The following U2AF2 variants were observed in gnomAD, a reference collection of about 807,000 sequenced individuals.
U2AF2 encodes the protein splicing factor U2AF 65 kDa subunit.
Under a neutral mutation model 52.6 loss-of-function variants are expected in U2AF2, and 6 were observed. That is an observed-to-expected ratio of 0.11 (90% CI 0.06 to 0.23). U2AF2 has a LOEUF of 0.23. U2AF2 is among the 10% of genes least tolerant of loss of function. The probability of loss-of-function intolerance (pLI) is 1.00; values close to 1 mark genes in which losing one functional copy is unlikely to be tolerated. For synonymous variants in U2AF2, 284 were observed against 258.2 expected, an observed-to-expected ratio of 1.10 and a Z score of -0.96; for missense variants, 222 against 677.1, an observed-to-expected ratio of 0.33 and a Z score of 7.46.
rs1332340152 is a variant in U2AF2, at chr19:55,659,264, G to A, written c.104G>A (p.Arg35Gln). The change falls in exon 2 of 12, where the codon CGG (arginine) becomes CAG (glutamine). Residue 35 changes from arginine (R) to glutamine (Q), a missense_variant. By Grantham distance (43) the Arg-to-Gln change is conservative (BLOSUM62 1). Coordinates refer to ENST00000308924, the MANE Select transcript of U2AF2 (RefSeq NM_007279.3). Reference sequence around the variant, plus strand: ...CGCAGCCACAGCCGCTCTCGGAGCCGGGACCGCAAACGCCGGAGCCGGAGC... The same window carrying A: ...CGCAGCCACAGCCGCTCTCGGAGCCAGGACCGCAAACGCCGGAGCCGGAGC... ...RKRSHSRSRSRDRKRRSRSRD... is the reference protein window; with the variant it reads ...RKRSHSRSRSQDRKRRSRSRD... 1.9e-6 allele frequency: 3 copies of A among 1,603,642 alleles called. No homozygotes were observed. Among genetic ancestry groups the A allele is most frequent in the Non-Finnish European group, 2.6e-6 (3 of 1,174,506 alleles).
At chr19:55,655,185 T>G in intron 1 of U2AF2, 32 bp downstream of exon 1, 1 of 1,591,246 alleles carries the variant, frequency 6.3e-7, no homozygotes, top group Non-Finnish European at 8.6e-7. Context: ...GGCGGAGGTG[T>G]GGGCGGCTCC....
chr19:55,673,906 C>A, intron 11 of U2AF2, 28 bp from the exon 12 acceptor site: 4 of 1,596,384 alleles, frequency 2.5e-6, no homozygotes, highest in South Asian at 2.3e-5. Context: ...GAGCCTTGTT[C>A]ACAAACCTGC....
intron 1 of U2AF2, among the ~76,000 whole-genome samples, chr19:55,656,484 T>A (rs1983803799): frequency 6.6e-6 from 1 of 151,428 alleles, no homozygotes; most frequent in African/African-American, 2.4e-5. Context: ...CTGCTTTTAA[T>A]ACGTTTATAT....
intron 2 of U2AF2, among the ~76,000 whole-genome samples, chr19:55,659,818 C>T (rs1459400632): frequency 2.0e-5 from 3 of 152,048 alleles, no homozygotes; most frequent in East Asian, 3.9e-4. Flanking sequence ...GACTTTTTGG[C>T]CCAGGGGTGT....
At chr19:55,665,524 A>T (rs1018990101) in intron 7 of U2AF2, among the ~76,000 whole-genome samples, 3 of 145,012 alleles carry the variant, frequency 2.1e-5, no homozygotes, top group Non-Finnish European at 4.5e-5. Context: ...CCCTCCATGG[A>T]CGGCAGTTCT....
At chr19:55,661,958 C>G (rs1242158867) in intron 5 of U2AF2, 1 of 154,930 alleles carries the variant, frequency 6.5e-6, no homozygotes, top group Non-Finnish European at 1.4e-5. Flanking sequence ...TGCCCCTCCT[C>G]CCTACACTCC....
Position 55,660,427 on chromosome 19 carries a change from G to T in U2AF2, c.231-89G>T, listed in dbSNP as rs1038501183. 26 of 1,168,586 alleles carry T rather than the reference G, an allele frequency of 2.2e-5. No homozygotes were observed. The African/African-American group carries it at 2.6e-4, about 12-fold the overall frequency. 72.4% of individuals were successfully genotyped at this position (1,168,586 alleles called of 1,614,324 possible). A position where few individuals can be genotyped will look rare whatever the true frequency, so the allele number is the denominator to read the frequency against. Reference sequence around the variant, plus strand: ...TGGAGCTTACATGGTTGCGGGGAGGGTGAAAGGGTGCCTGGGAGGGGGCTC... The same window carrying T: ...TGGAGCTTACATGGTTGCGGGGAGGTTGAAAGGGTGCCTGGGAGGGGGCTC... On this transcript the variant is annotated intron_variant, in intron 3 of 11. Transcript: ENST00000308924.
At chr19:55,658,975 T>C in intron 1 of U2AF2, 1 of 490,216 alleles carries the variant, frequency 2.0e-6, no homozygotes, top group Admixed American at 4.5e-5. Context: ...CTCCTGAGCA[T>C]CCTCAGGTAT....
intron 11 of U2AF2, 81 bp from the exon 12 acceptor site, chr19:55,673,852 CT>C: frequency 6.5e-7 from 1 of 1,529,578 alleles, no homozygotes; most frequent in Middle Eastern, 1.8e-4. Context: ...CCCTTCCTGC[CT>C]TCAGTGCTGG....
intron 7 of U2AF2, chr19:55,664,077 G>C (rs1486411870): frequency 3.8e-6 from 1 of 264,900 alleles, no homozygotes; most frequent in African/African-American, 2.2e-5. Context: ...GGAGGGCTCA[G>C]TCTGTGCCCG....
chr19:55,658,894 G>T, intron 1 of U2AF2: 1 of 293,908 alleles, frequency 3.4e-6, no homozygotes, highest in Non-Finnish European at 6.2e-6. Flanking sequence ...GGACGACCCT[G>T]GGGTCAGGCC....
rs376464606 is a variant in U2AF2 at position 55,668,062 on chromosome 19, G to A, written c.743-445G>A. Among the ~76,000 whole-genome samples, 78 of 152,212 alleles carry A rather than the reference G, an allele frequency of 5.1e-4. No individual in the cohort carries two copies. The highest frequency in any genetic ancestry group is 3.9e-3 in the South Asian group (19 of 4,822). ...CTCCCAAAGTGCTGAGATTACAGGC[G>A]TGAGCCCCCGCGCCCGGCCGGGACT... On this transcript the variant is annotated intron_variant, in intron 7 of 11. Transcript: ENST00000308924. The surrounding 1 kb of genome is among the most constrained non-coding windows in gnomAD (Gnocchi z 5.5).
intron 2 of U2AF2, 25 bp downstream of exon 2, chr19:55,659,370 G>A: frequency 6.8e-7 from 1 of 1,463,470 alleles, no homozygotes; most frequent in Non-Finnish European, 9.1e-7. Context: ...GGATCCCCTG[G>A]GCCAGCCTGG....
At chr19:55,672,889 C>T (rs1454318601) in intron 11 of U2AF2, among the ~76,000 whole-genome samples, 1 of 151,934 alleles carries the variant, frequency 6.6e-6, no homozygotes, top group East Asian at 1.9e-4. Flanking sequence ...GTGAGCCGCC[C>T]GTCTTGGCCT....
At position 55,669,137 on chromosome 19, in the gene U2AF2, A is replaced by C; in HGVS notation, c.1000A>C (p.Arg334=). ...GGGGGATAAGAAGCTGCTGGTCCAG[A>C]GGGCGAGTGTGGGAGCCAAGAATGC... ...QLGDKKLLVQ[R]ASVGAKNATL... The change falls in exon 10 of 12, where the codon AGG becomes CGG. Residue 334 remains arginine, a synonymous_variant. Coordinates refer to ENST00000308924, the MANE Select transcript of U2AF2 (RefSeq NM_007279.3). 3.1e-6 allele frequency: 5 copies of C among 1,613,858 alleles called. No individual in the cohort carries two copies. The highest frequency in any genetic ancestry group is 4.2e-6 in the Non-Finnish European group (5 of 1,179,940).
At chr19:55,659,820 CA>C (rs1039513517) in intron 2 of U2AF2, among the ~76,000 whole-genome samples, 15 of 152,050 alleles carry the variant, frequency 9.9e-5, no homozygotes, top group Admixed American at 3.3e-4. Flanking sequence ...CTTTTTGGCC[CA>C]GGGGTGTCGG....
intron 11 of U2AF2, among the ~76,000 whole-genome samples, chr19:55,670,343 C>A (rs1045742547): frequency 6.6e-6 from 1 of 151,984 alleles, no homozygotes. Flanking sequence ...GCTCTTTGAT[C>A]CCCTTGCTGG....
Position 55,661,087 on chromosome 19 carries a change from C to A in U2AF2, c.384C>A (p.Asp128Glu). Residue 128 changes from aspartate to glutamate, a missense_variant, in exon 5 of 12, where the codon GAC becomes GAA. Transcript: ENST00000308924. ...CTCTTCTCCCCACCATGACCCCTGA[C>A]GGTCTGGCTGTGACCCCAACGCCGG... ...ATALLPTMTP[D>E]GLAVTPTPVP... is the part of the protein sequence containing the mutation. 3 of 1,609,954 alleles carry A rather than the reference C, an allele frequency of 1.9e-6. No individual in the cohort carries two copies. The highest frequency in any genetic ancestry group is 1.7e-6 in the Non-Finnish European group (2 of 1,176,772).
Position 55,660,373 on chromosome 19 carries a change from C to T in U2AF2, c.231-143C>T, listed in dbSNP as rs867928453. 1.1e-5 allele frequency: 12 copies of T among 1,095,720 alleles called. No homozygotes were observed. In the African/African-American group the frequency reaches 1.3e-4, roughly 11 times the overall value. The allele number at this position is 1,095,720 out of a possible 1,614,324, so 67.9% of individuals were successfully genotyped here. On this transcript the variant is annotated intron_variant, in intron 3 of 11. Transcript: ENST00000308924. The stretch of plus-strand genomic sequence containing the variant: ...ACCAGCACCCCTTTCCCAGGCCCTG[C>T]CCCAGACCCTCTCCTTCCCTGGAGA...
Sources: allele counts gnomAD v4.1 joint callset (sites outside exome capture counted in the v4.1 genomes callset), GRCh38; gene constraint gnomAD v4.1.1; non-coding constraint Gnocchi (gnomAD v3.1); transcripts MANE v1.5; gene names NCBI Gene and HGNC (gene_info 2026-07-23, HGNC 2026-07-21).